The following FSD2 variants were observed in gnomAD, a reference collection of about 807,000 sequenced individuals.
FSD2 encodes the protein fibronectin type III and SPRY domain containing 2.
FSD2 carries 71 observed loss-of-function variants against 80.4 expected under a neutral mutation model. The ratio of observed to expected loss-of-function variants is 0.88; its 90% CI spans 0.73 to 1.08. The LOEUF is 1.08. FSD2 is among the 50% of genes least tolerant of loss of function. The pLI, the probability that FSD2 is intolerant of heterozygous loss-of-function variation, is 0.00. For synonymous variants in FSD2, 361 were observed against 329.5 expected, an observed-to-expected ratio of 1.10 and a Z score of -1.03; for missense variants, 923 against 913.8, an observed-to-expected ratio of 1.01 and a Z score of -0.13.
rs745410941 is a variant in FSD2 at position 82,786,926 on chromosome 15, G to C, written c.465C>G (p.Gly155=). ...AGCATTCATACTCCTCGCTGGCACG[G>C]CCGTGTGTGTACCTATAGGCTTCCC... ...DLREAYRYTH[G]RASEEYECYV... Residue 155 remains glycine, a synonymous_variant, in exon 2 of 13, where the codon GGC becomes GGG. Transcript: ENST00000334574. 2 of 1,613,852 alleles carry C rather than the reference G, an allele frequency of 1.2e-6. No individual in the cohort carries two copies. The highest frequency in any genetic ancestry group is 1.7e-6 in the Non-Finnish European group (2 of 1,179,894).
chr15:82,769,925 G>A (rs554115681), intron 7 of FSD2, 41 bp from the exon 8 acceptor site: 8 of 1,608,500 alleles, frequency 5.0e-6, no homozygotes, highest in African/African-American at 1.3e-5. Flanking sequence ...CTAAAAACTG[G>A]CCAAGTGGCT....
Position 82,761,989 on chromosome 15 carries a change from AT to A in FSD2, c.1997+112del, listed in dbSNP as rs2049305718. On this transcript the variant is annotated intron_variant, in intron 12 of 12. Coordinates refer to ENST00000334574, the MANE Select transcript of FSD2 (RefSeq NM_001007122.4). ...AGTGGCTGGCAGCAACTCCTGAAAT[AT>A]CTTAAAATATTTGTAAAATATAACG... The A allele has an allele frequency of 3.0e-6, 3 of 1,001,232 alleles. No individual in the cohort carries two copies. In the South Asian group the frequency reaches 6.1e-5, roughly 20 times the overall value. The allele number at this position is 1,001,232 out of a possible 1,614,324, so 62.0% of individuals were successfully genotyped here.
intron 9 of FSD2, among the ~76,000 whole-genome samples, chr15:82,766,690 C>T (rs1191623083): frequency 6.7e-6 from 1 of 149,184 alleles, no homozygotes; most frequent in Non-Finnish European, 1.5e-5. Context: ...TGCAGTGAAC[C>T]GAGATCATCA....
chr15:82,781,011 A>G (rs2151511504), intron 4 of FSD2, among the ~76,000 whole-genome samples: 1 of 152,244 alleles, frequency 6.6e-6, no homozygotes, highest in Middle Eastern at 3.4e-3. Flanking sequence ...CCTCCAGCCC[A>G]AGCAACAGAG....
Position 82,759,195 on chromosome 15 carries a change from G to T in FSD2, c.*153C>A. On this transcript the variant is annotated 3_prime_UTR_variant, in exon 13 of 13. Transcript: ENST00000334574. Reference sequence around the variant, plus strand: ...CACACAGGACTAGAATCCAGGTTGGGTGAAATGAGCGCTAGCACACCAGTC... The same window carrying T: ...CACACAGGACTAGAATCCAGGTTGGTTGAAATGAGCGCTAGCACACCAGTC... The T allele has an allele frequency of 3.7e-6, 3 of 808,106 alleles. No homozygotes were observed. Among genetic ancestry groups the T allele is most frequent in the Non-Finnish European group, 5.7e-6 (3 of 527,716 alleles). 50.1% of individuals were successfully genotyped at this position (808,106 alleles called of 1,614,324 possible). A position where few individuals can be genotyped will look rare whatever the true frequency, so the allele number is the denominator to read the frequency against.
At chr15:82,771,960 T>G (rs2049586720) in intron 7 of FSD2, 113 bp downstream of exon 7, 1 of 1,122,286 alleles carries the variant, frequency 8.9e-7, no homozygotes, top group African/African-American at 1.6e-5. Context: ...ATCCTCTGCA[T>G]GTCTAGACCC....
intron 7 of FSD2, among the ~76,000 whole-genome samples, chr15:82,771,723 G>T (rs1001728082): frequency 1.3e-5 from 2 of 152,224 alleles, no homozygotes; most frequent in African/African-American, 4.8e-5. Flanking sequence ...CTGACCCTCA[G>T]ATGCCAGGAC....
chr15:82,776,334 C>A (rs1024805968), intron 6 of FSD2, among the ~76,000 whole-genome samples: 4 of 152,126 alleles, frequency 2.6e-5, no homozygotes, highest in Non-Finnish European at 5.9e-5. Context: ...AGATTTCATT[C>A]TTTTTAAATT....
chr15:82,802,554 TG>T (rs1475836146), intron 1 of FSD2, among the ~76,000 whole-genome samples: 2 of 152,104 alleles, frequency 1.3e-5, no homozygotes, highest in Non-Finnish European at 2.9e-5. Flanking sequence ...CATTAACAGC[TG>T]GGTTGAGCTC....
chr15:82,804,801 C>T (rs2050491038), intron 1 of FSD2, among the ~76,000 whole-genome samples: 1 of 152,194 alleles, frequency 6.6e-6, no homozygotes, highest in Admixed American at 6.5e-5. Context: ...GAACACACAA[C>T]ACAAAGTGGT....
At chr15:82,783,399 T>C (rs2049919167) in intron 3 of FSD2, among the ~76,000 whole-genome samples, 1 of 152,174 alleles carries the variant, frequency 6.6e-6, no homozygotes, top group African/African-American at 2.4e-5. Flanking sequence ...ACGCCCAGCC[T>C]GATTAGAGTC....
chr15:82,791,596 C>T (rs1347805601), intron 1 of FSD2, among the ~76,000 whole-genome samples: 1 of 151,518 alleles, frequency 6.6e-6, no homozygotes, highest in East Asian at 1.9e-4. Context: ...TAGTCTTGAA[C>T]TCCTGAGTTC....
intron 1 of FSD2, among the ~76,000 whole-genome samples, chr15:82,798,710 A>G (rs189376436): frequency 8.5e-4 from 129 of 152,288 alleles, no homozygotes; most frequent in African/African-American, 3.0e-3. Context: ...ACAGTTGTAC[A>G]CAGAAAACAG....
In FSD2 at chr15:82,786,891, G is replaced by A. The variant is rs1458352394; in HGVS notation, c.500C>T (p.Pro167Leu). 6.2e-7 allele frequency: 1 copy of A among 1,613,876 alleles called. No homozygotes were observed. Among genetic ancestry groups the A allele is most frequent in the East Asian group, 2.2e-5 (1 of 44,872 alleles). ...AGCTTCTTCTTCATCCTCTTCCTCG[G>A]GGATGACATAGCATTCATACTCCTC... ...ASEEYECYVI[P>L]EEEDEEEAAD... Residue 167 changes from proline to leucine, a missense_variant, in exon 2 of 13, where the codon CCC (proline) becomes CTC (leucine). Transcript: ENST00000334574.
intron 1 of FSD2, among the ~76,000 whole-genome samples, chr15:82,799,404 A>G (rs1596265996): frequency 6.6e-6 from 1 of 151,996 alleles, no homozygotes; most frequent in African/African-American, 2.4e-5. Flanking sequence ...CTTAACCTCC[A>G]TTCTAGGCCC....
chr15:82,803,884 G>A (rs1230904282), intron 1 of FSD2, among the ~76,000 whole-genome samples: 1 of 152,124 alleles, frequency 6.6e-6, no homozygotes, highest in Non-Finnish European at 1.5e-5. Flanking sequence ...TATGACTTCA[G>A]GAAAATCATC....
chr15:82,782,857 A>G lies in FSD2; in HGVS notation c.904T>C (p.Cys302Arg). 1 of 1,613,922 alleles carries G rather than the reference A, an allele frequency of 6.2e-7. No individual in the cohort carries two copies. The highest frequency in any genetic ancestry group is 8.5e-7 in the Non-Finnish European group (1 of 1,179,886). The change falls in exon 4 of 13, where the codon TGC (cysteine) becomes CGC (arginine). Residue 302 changes from cysteine to arginine, a missense_variant. By Grantham distance (180) the Cys-to-Arg change is radical. Coordinates refer to ENST00000334574, the MANE Select transcript of FSD2 (RefSeq NM_001007122.4). The stretch of plus-strand genomic sequence containing the variant: ...TCTATTGTTTCCATCAGTTCTTTGC[A>G]AGTATCTAGGTTTTCTCCACAGCTG... ...LVSCGENLDT[C>R]KELMETIEEM...
chr15:82,762,217 C>T lies in FSD2; in HGVS notation c.1882G>A (p.Val628Met). Residue 628 changes from valine (V) to methionine (M), a missense_variant, in exon 12 of 13, where the codon GTG (valine) becomes ATG (methionine). Transcript: ENST00000334574. ...VRGHHYWEVE[V>M]DEHLDYRVGV... Reference sequence around the variant, plus strand: ...ACTCTGTAGTCCAAATGCTCATCCACCTCCACCTCCCAGTAATGGTGCCCT... The same window carrying T: ...ACTCTGTAGTCCAAATGCTCATCCATCTCCACCTCCCAGTAATGGTGCCCT... 2 of 1,613,976 alleles carry T rather than the reference C, an allele frequency of 1.2e-6. No individual in the cohort carries two copies. The highest frequency in any genetic ancestry group is 1.7e-6 in the Non-Finnish European group (2 of 1,179,856).
intron 11 of FSD2, among the ~76,000 whole-genome samples, chr15:82,764,335 G>A (rs1282817454): frequency 2.0e-5 from 3 of 152,218 alleles, no homozygotes; most frequent in East Asian, 1.9e-4. Context: ...TACATAGGGT[G>A]TACACCAAGT....
Sources: allele counts gnomAD v4.1 joint callset (sites outside exome capture counted in the v4.1 genomes callset), GRCh38; gene constraint gnomAD v4.1.1; transcripts MANE v1.5; gene names NCBI Gene and HGNC (gene_info 2026-07-23, HGNC 2026-07-21).